The following CACNG3 variants were observed in gnomAD, a reference collection of about 807,000 sequenced individuals.
CACNG3 encodes calcium voltage-gated channel auxiliary subunit gamma 3, also known as voltage-dependent calcium channel gamma-3 subunit.
A neutral mutation model predicts 28.5 loss-of-function variants in CACNG3; 3 were observed. The observed-to-expected ratio is 0.11, with a 90% CI of 0.05 to 0.27. CACNG3 has a LOEUF of 0.27. Among genes scored for constraint, CACNG3 ranks in the 10% least tolerant of loss-of-function variants. The pLI, the probability that CACNG3 is intolerant of heterozygous loss-of-function variation, is 1.00. For synonymous variants in CACNG3, 174 were observed against 162.2 expected (o/e 1.07, Z -0.55); for missense variants, 236 against 414.4 (o/e 0.57, Z 3.74).
intron 1 of CACNG3, among the ~76,000 whole-genome samples, chr16:24,302,510 A>G (rs1899126607): frequency 6.6e-6 from 1 of 151,998 alleles, no homozygotes; most frequent in Admixed American, 6.6e-5. Flanking sequence ...GCTGGAGTGC[A>G]GTGGCATCAT....
chr16:24,316,585 G>A (rs1302208027), intron 1 of CACNG3, among the ~76,000 whole-genome samples: 1 of 152,168 alleles, frequency 6.6e-6, no homozygotes. Context: ...TGATTCATCT[G>A]TGGCTTCCCG....
At chr16:24,292,485 T>C (rs534510730) in intron 1 of CACNG3, among the ~76,000 whole-genome samples, 1 of 152,296 alleles carries the variant, frequency 6.6e-6, no homozygotes, top group Admixed American at 6.5e-5. Context: ...ATGGCCCGAA[T>C]TGGAAAAGGG....
chr16:24,324,300 A>G (rs574714398), intron 1 of CACNG3, among the ~76,000 whole-genome samples: 13 of 152,290 alleles, frequency 8.5e-5, no homozygotes, highest in African/African-American at 3.1e-4. Context: ...GTGTGTGTGA[A>G]TATAACTATT....
At chr16:24,287,167 C>G (rs1898905644) in intron 1 of CACNG3, among the ~76,000 whole-genome samples, 1 of 152,146 alleles carries the variant, frequency 6.6e-6, no homozygotes. Flanking sequence ...ACTGGTCACC[C>G]TTGGTTTGGC....
chr16:24,335,769 T>C (rs2141375559), intron 1 of CACNG3, among the ~76,000 whole-genome samples: 1 of 152,180 alleles, frequency 6.6e-6, no homozygotes, highest in East Asian at 1.9e-4. Flanking sequence ...ATGGATACTA[T>C]GATGATTTCT....
intron 1 of CACNG3, among the ~76,000 whole-genome samples, chr16:24,258,326 G>A (rs1364068215): frequency 6.6e-6 from 1 of 152,158 alleles, no homozygotes; most frequent in Non-Finnish European, 1.5e-5. Flanking sequence ...ACACAAATTT[G>A]CAACTGGTGG....
intron 1 of CACNG3, among the ~76,000 whole-genome samples, chr16:24,315,604 C>A: frequency 7.4e-6 from 1 of 135,224 alleles, no homozygotes; most frequent in Admixed American, 7.5e-5. Flanking sequence ...CTTTCTTTGT[C>A]TCTCTTTCTT....
chr16:24,307,741 T>G (rs966737318), intron 1 of CACNG3, among the ~76,000 whole-genome samples: 11 of 152,132 alleles, frequency 7.2e-5, no homozygotes, highest in African/African-American at 2.7e-4. Flanking sequence ...CCCCTCCATT[T>G]CTCTGTGCAC....
chr16:24,258,557 G>A (rs534354762), intron 1 of CACNG3, among the ~76,000 whole-genome samples: 9 of 152,128 alleles, frequency 5.9e-5, no homozygotes, highest in African/African-American at 2.2e-4. Flanking sequence ...AGAAATTCTA[G>A]AATAATTATT....
At chr16:24,328,898 C>T (rs1899595715) in intron 1 of CACNG3, among the ~76,000 whole-genome samples, 2 of 152,280 alleles carry the variant, frequency 1.3e-5, no homozygotes, top group East Asian at 3.9e-4. Flanking sequence ...CCACTCTCAC[C>T]CCGACTTCAT....
chr16:24,297,249 AAAAATAAAATAAAAT>A (rs559621094), intron 1 of CACNG3, among the ~76,000 whole-genome samples: 7 of 128,076 alleles, frequency 5.5e-5, no homozygotes, highest in Admixed American at 1.4e-4. Flanking sequence ...TCCCATCTCT[AAAAATAAAATAAAAT>A]AAAATAAAAT....
chr16:24,346,719 TA>T lies in CACNG3; in HGVS notation c.212-14del. On this transcript the variant is annotated splice_polypyrimidine_tract_variant and intron_variant, in intron 1 of 3. Transcript: ENST00000005284. ...TCTCCTCCCCCAGGCTCAGAACCCT[TA>T]TCTGTTTCCACAGGGGCTTTCCGAG... 6.2e-7 allele frequency: 1 copy of T among 1,607,520 alleles called. No individual in the cohort carries two copies. The highest frequency in any genetic ancestry group is 8.5e-7 in the Non-Finnish European group (1 of 1,173,996).
Position 24,361,333 on chromosome 16 carries a change from T to C in CACNG3, c.437-19T>C, listed in dbSNP as rs748855302. On this transcript the variant is annotated intron_variant, in intron 3 of 3. Coordinates refer to ENST00000005284, the MANE Select transcript of CACNG3 (RefSeq NM_006539.4). The surrounding 1 kb of genome is among the most constrained non-coding windows in gnomAD (Gnocchi z 6.8). Reference sequence around the variant, plus strand: ...CCGAGGTGTATAAAGGACGTGTTTTTCTTTTCCCCTTCTCTTAGGGTTAAG... The same window carrying C: ...CCGAGGTGTATAAAGGACGTGTTTTCCTTTTCCCCTTCTCTTAGGGTTAAG... 2.6e-6 allele frequency: 4 copies of C among 1,549,100 alleles called. No individual in the cohort carries two copies. The East Asian group carries it at 9.0e-5, about 35-fold the overall frequency.
chr16:24,355,057 G>T, intron 3 of CACNG3, 84 bp downstream of exon 3: 2 of 1,355,562 alleles, frequency 1.5e-6, no homozygotes, highest in South Asian at 2.6e-5. Flanking sequence ...GCTACTCAGG[G>T]CTCCCTCCAG....
At chr16:24,337,789 T>A (rs576406517) in intron 1 of CACNG3, among the ~76,000 whole-genome samples, 7 of 151,942 alleles carry the variant, frequency 4.6e-5, no homozygotes, top group African/African-American at 1.4e-4. Context: ...TTACCCCAAA[T>A]CTGGTGGTCT....
At chr16:24,279,318 G>A (rs901265619) in intron 1 of CACNG3, among the ~76,000 whole-genome samples, 1 of 152,168 alleles carries the variant, frequency 6.6e-6, no homozygotes, top group African/African-American at 2.4e-5. Flanking sequence ...TCTTGAGACA[G>A]GGTCTCACTC....
At chr16:24,341,758 G>C (rs576444604) in intron 1 of CACNG3, among the ~76,000 whole-genome samples, 137 of 152,260 alleles carry the variant, frequency 9.0e-4, no homozygotes, top group African/African-American at 3.2e-3. Flanking sequence ...TTCGGGGGTT[G>C]CAAACTCAAA....
chr16:24,269,574 C>T (rs1898657098), intron 1 of CACNG3, among the ~76,000 whole-genome samples: 1 of 151,910 alleles, frequency 6.6e-6, no homozygotes, highest in South Asian at 2.1e-4. Context: ...TGGTGAAACA[C>T]TGTCTCTACT....
At chr16:24,312,292 C>T (rs1047269296) in intron 1 of CACNG3, among the ~76,000 whole-genome samples, 6 of 152,226 alleles carry the variant, frequency 3.9e-5, no homozygotes, top group African/African-American at 1.4e-4. Flanking sequence ...CCCATCTATC[C>T]TCCCCATCTA....
Sources: allele counts gnomAD v4.1 joint callset (sites outside exome capture counted in the v4.1 genomes callset), GRCh38; gene constraint gnomAD v4.1.1; non-coding constraint Gnocchi (gnomAD v3.1); transcripts MANE v1.5; gene names NCBI Gene and HGNC (gene_info 2026-07-23, HGNC 2026-07-21).